Variants in FLVCR1 observed in about 807,000 individuals in gnomAD.
The protein encoded by FLVCR1 is FLVCR choline and heme transporter 1.
In FLVCR1, 34 loss-of-function variants were observed where a neutral mutation model predicts 53.6. The ratio of observed to expected loss-of-function variants is 0.63; its 90% CI spans 0.48 to 0.84. The LOEUF (loss-of-function observed/expected upper bound fraction) is 0.84, where lower values mean the gene tolerates loss of function less well. FLVCR1 is among the 40% of genes least tolerant of loss of function. FLVCR1 has a pLI of 0.00. For missense variants in FLVCR1, 677 were observed against 696.7 expected (o/e 0.97, Z 0.32); for synonymous variants, 300 against 286.3 (o/e 1.05, Z -0.48).
intron 4 of FLVCR1, 54 bp downstream of exon 4, chr1:212,883,492 A>C: frequency 1.0e-6 from 1 of 964,080 alleles, no homozygotes; most frequent in Non-Finnish European, 1.7e-6. Flanking sequence ...TTTCTTTAGC[A>C]ATATAATTGT....
chr1:212,879,878 G>T (rs1184775348), intron 3 of FLVCR1, among the ~76,000 whole-genome samples: 7 of 151,660 alleles, frequency 4.6e-5, no homozygotes, highest in African/African-American at 1.7e-4. Context: ...TTTTGAGGTT[G>T]CACTATTTGG....
At chr1:212,876,693 A>G (rs1295485185) in intron 3 of FLVCR1, among the ~76,000 whole-genome samples, 1 of 152,168 alleles carries the variant, frequency 6.6e-6, no homozygotes, top group East Asian at 1.9e-4. Context: ...GCTGCATAGT[A>G]TTCCATGGTG....
Position 212,863,582 on chromosome 1 carries a change from C to CAAAAAA in FLVCR1, c.739-134_739-129dup, listed in dbSNP as rs3086478. On this transcript the variant is annotated intron_variant, in intron 1 of 9. Transcript: ENST00000366971. ...CCAGCCTGGGAGACAGACTTTGTCTCAAAAAAAAAAAAAAGAACATAATAG... is the reference window on the plus strand; with the variant it reads ...CCAGCCTGGGAGACAGACTTTGTCTCAAAAAAAAAAAAAAAAAAAAGAACATAATAG... The CAAAAAA allele has an allele frequency of 7.6e-4, 457 of 604,396 alleles. 3 individuals carry two copies. Among genetic ancestry groups the CAAAAAA allele is most frequent in the Non-Finnish European group, 9.3e-4 (337 of 361,788 alleles). The allele number at this position is 604,396 out of a possible 1,614,324, so 37.4% of individuals were successfully genotyped here.
chr1:212,883,370 G>A lies in FLVCR1; in HGVS notation c.1025-1G>A. 1 of 1,471,420 alleles carries A rather than the reference G, an allele frequency of 6.8e-7. No individual in the cohort carries two copies. Among genetic ancestry groups the A allele is most frequent in the Non-Finnish European group, 9.5e-7 (1 of 1,052,926 alleles). The allele number at this position is 1,471,420 out of a possible 1,614,324, so 91.1% of individuals were successfully genotyped here. A position where few individuals can be genotyped will look rare whatever the true frequency, so the allele number is the denominator to read the frequency against. ...AATATCATCTTTATTTATTATTGTAGGTATCATGACTGGTGCCTTTTATTC... is the reference window on the plus strand; with the variant it reads ...AATATCATCTTTATTTATTATTGTAAGTATCATGACTGGTGCCTTTTATTC... On this transcript the variant is annotated splice_acceptor_variant, in intron 3 of 9. Transcript: ENST00000366971. LOFTEE classifies it high-confidence loss of function.
intron 2 of FLVCR1, among the ~76,000 whole-genome samples, chr1:212,866,219 A>G (rs1157247373): frequency 6.6e-6 from 1 of 151,946 alleles, no homozygotes; most frequent in Non-Finnish European, 1.5e-5. Context: ...TTCTGACCTC[A>G]GGTGATCTGC....
chr1:212,885,932 G>A (rs1489025328), intron 5 of FLVCR1, among the ~76,000 whole-genome samples: 3 of 151,620 alleles, frequency 2.0e-5, no homozygotes, highest in Non-Finnish European at 4.4e-5. Flanking sequence ...TACCTTATGA[G>A]CCCCTTCTTT....
At chr1:212,865,485 A>ATTTTTTTTTTT (rs58544929) in intron 2 of FLVCR1, among the ~76,000 whole-genome samples, 28,270 of 128,962 alleles carry the variant, frequency 0.22, 4,413 homozygotes, top group East Asian at 0.32. Flanking sequence ...TGCAATAGGG[A>ATTTTTTTTTTT]TTTTTTTTTT....
At chr1:212,874,525 T>C (rs10864021) in intron 3 of FLVCR1, among the ~76,000 whole-genome samples, 65,793 of 137,252 alleles carry the variant, frequency 0.48, 16,275 homozygotes, top group East Asian at 0.6. Flanking sequence ...TTTCTTTTTT[T>C]CTTTTTTTTT....
Position 212,878,500 on chromosome 1 carries a change from C to G in FLVCR1, c.1025-4871C>G, listed in dbSNP as rs1664830138. Among the ~76,000 whole-genome samples, 3 of 140,820 alleles carry G rather than the reference C, an allele frequency of 2.1e-5. No individual in the cohort carries two copies. In the Admixed American group the frequency reaches 2.3e-4, roughly 11 times the overall value. 92.4% of individuals were successfully genotyped at this position (140,820 alleles called of 152,430 possible). ...GTGAGCTGAGATCGCACCACTGCAA[C>G]TCCAGCCTGGGCGACAGAGTGAGTC... is the stretch of plus-strand genomic sequence containing the variant. On this transcript the variant is annotated intron_variant, in intron 3 of 9. Transcript: ENST00000366971.
chr1:212,869,540 A>AT (rs1477624834), intron 2 of FLVCR1, among the ~76,000 whole-genome samples: 11 of 152,114 alleles, frequency 7.2e-5, no homozygotes, highest in African/African-American at 2.7e-4. Context: ...GGTAAGAAGT[A>AT]TTTTCTTTTC....
In FLVCR1 at chr1:212,858,515, A is replaced by G; in HGVS notation, c.63A>G (p.Gly21=). 1 of 1,457,838 alleles carries G rather than the reference A, an allele frequency of 6.9e-7. No homozygotes were observed. Among genetic ancestry groups the G allele is most frequent in the East Asian group, 2.5e-5 (1 of 40,162 alleles). 90.3% of individuals were successfully genotyped at this position (1,457,838 alleles called of 1,614,324 possible). The part of the protein sequence containing the change: ...AVAPGHPLAK[G]YLPLPRGAPV... ...CGCCCGGACACCCGCTCGCGAAAGG[A>G]TACCTCCCGTTGCCGAGGGGCGCGC... is the stretch of plus-strand genomic sequence containing the variant. Residue 21 remains glycine (G), a synonymous_variant, in exon 1 of 10, where the codon GGA becomes GGG. Coordinates refer to ENST00000366971, the MANE Select transcript of FLVCR1 (RefSeq NM_014053.4).
intron 4 of FLVCR1, 97 bp downstream of exon 4, chr1:212,883,535 CATT>C: frequency 5.8e-6 from 4 of 691,290 alleles, no homozygotes; most frequent in South Asian, 4.8e-5. Context: ...AGGGTTATGA[CATT>C]GTTGCTATCA....
rs567270153 is a variant in FLVCR1 at position 212,860,350 on chromosome 1, G to GTTT, written c.738+1176_738+1178dup. ...TATTATAAAGTTTTTTGTGTGTGTGGTTTTTTTTTTTTTTTTTTGTAGAAA... is the reference window on the plus strand; with the variant it reads ...TATTATAAAGTTTTTTGTGTGTGTGGTTTTTTTTTTTTTTTTTTTTTGTAGAAA... On this transcript the variant is annotated intron_variant, in intron 1 of 9. Coordinates refer to ENST00000366971, the MANE Select transcript of FLVCR1 (RefSeq NM_014053.4). Among the ~76,000 whole-genome samples the GTTT allele has an allele frequency of 4.7e-3, 407 of 85,848 alleles. 34 individuals are homozygous for GTTT. Among genetic ancestry groups the GTTT allele is most frequent in the African/African-American group, 0.013 (353 of 26,598 alleles). The allele number at this position is 85,848 out of a possible 152,430, so 56.3% of individuals were successfully genotyped here. A position where few individuals can be genotyped will look rare whatever the true frequency, so the allele number is the denominator to read the frequency against.
chr1:212,863,486 G>A (rs546294541), intron 1 of FLVCR1: 4 of 443,176 alleles, frequency 9.0e-6, no homozygotes, highest in South Asian at 6.4e-5. Context: ...CTACTCAGGA[G>A]GCTGAGGCAG....
intron 8 of FLVCR1, among the ~76,000 whole-genome samples, chr1:212,892,157 T>C (rs79288949): frequency 0.025 from 3,738 of 152,328 alleles, 103 homozygotes; most frequent in African/African-American, 0.068. Context: ...ATGTAGATGC[T>C]GAAGTAGGTT....
intron 5 of FLVCR1, among the ~76,000 whole-genome samples, chr1:212,887,057 T>G (rs901725285): frequency 1.3e-5 from 2 of 152,218 alleles, no homozygotes; most frequent in African/African-American, 4.8e-5. Flanking sequence ...CCCGTGTACC[T>G]TTCAAGGCTC....
rs756430931 is a variant in FLVCR1, at chr1:212,887,846, G to A, written c.1197-45G>A. 8 of 1,012,098 alleles carry A rather than the reference G, an allele frequency of 7.9e-6. No individual in the cohort carries two copies. The African/African-American group carries it at 9.4e-5, about 12-fold the overall frequency. The allele number at this position is 1,012,098 out of a possible 1,614,324, so 62.7% of individuals were successfully genotyped here. A position where few individuals can be genotyped will look rare whatever the true frequency, so the allele number is the denominator to read the frequency against. Reference sequence around the variant, plus strand: ...AAGAGTGATGATTTTTGTATTCCTAGGAGAATCAGACAAAATACTAACAGC... The same window carrying A: ...AAGAGTGATGATTTTTGTATTCCTAAGAGAATCAGACAAAATACTAACAGC... On this transcript the variant is annotated intron_variant, in intron 5 of 9. Transcript: ENST00000366971.
chr1:212,891,693 G>A (rs1665197655), intron 8 of FLVCR1, among the ~76,000 whole-genome samples: 1 of 152,088 alleles, frequency 6.6e-6, no homozygotes, highest in Non-Finnish European at 1.5e-5. Flanking sequence ...TACCCCTACA[G>A]TGGCCTCCAG....
In FLVCR1 at chr1:212,894,632, CAT is replaced by C. The variant is rs1665286681; in HGVS notation, c.1526-352_1526-351del. On this transcript the variant is annotated intron_variant, in intron 8 of 9. Transcript: ENST00000366971. ...GCCTTCTCTAATTTCCTTTGGCTGA[CAT>C]AGACTTTTTTTGCTCCCACTTCCCC... is the stretch of plus-strand genomic sequence containing the variant. Among the ~76,000 whole-genome samples the C allele has an allele frequency of 4.6e-5, 7 of 152,094 alleles. No individual in the cohort carries two copies. The South Asian group carries it at 1.2e-3, about 27-fold the overall frequency.
Sources: allele counts gnomAD v4.1 joint callset (sites outside exome capture counted in the v4.1 genomes callset), GRCh38; gene constraint gnomAD v4.1.1; transcripts MANE v1.5; gene names NCBI Gene and HGNC (gene_info 2026-07-23, HGNC 2026-07-21).